C10orf90: variants seen among roughly 807,000 people sequenced by gnomAD.
C10orf90 encodes chromosome 10 open reading frame 90, also known as (E2-independent) E3 ubiquitin-conjugating enzyme FATS.
A neutral mutation model predicts 62.5 loss-of-function variants in C10orf90; 56 were observed. That is an observed-to-expected ratio of 0.90 (90% CI 0.72 to 1.12). The LOEUF (loss-of-function observed/expected upper bound fraction) is 1.12. C10orf90 is among the 50% of genes most tolerant of loss of function. The probability of loss-of-function intolerance (pLI) is 0.00; values close to 1 mark genes in which losing one functional copy is unlikely to be tolerated. For missense variants in C10orf90, 970 were observed against 880.4 expected (o/e 1.10, Z -1.29); for synonymous variants, 386 against 340.4 (o/e 1.13, Z -1.47).
At chr10:126,465,186 G>A (rs7079561) in intron 4 of C10orf90, among the ~76,000 whole-genome samples, 200 bp from the exon 5 acceptor site, 139,110 of 152,090 alleles carry the variant, frequency 0.91, 63,827 homozygotes, top group East Asian at 1. Context: ...GTCCTTAGGA[G>A]CTCATATTAC....
intron 4 of C10orf90, among the ~76,000 whole-genome samples, chr10:126,481,697 G>C (rs979289796): frequency 6.6e-6 from 1 of 152,162 alleles, no homozygotes; most frequent in African/African-American, 2.4e-5. Context: ...AAGAAGCCAA[G>C]TTTCTGACTT....
intron 2 of C10orf90, among the ~76,000 whole-genome samples, chr10:126,559,698 A>C (rs1399645708): frequency 1.3e-5 from 2 of 152,210 alleles, no homozygotes; most frequent in Non-Finnish European, 2.9e-5. Flanking sequence ...CTCTAAGCAG[A>C]AGCCTAATCA....
At chr10:126,660,904 G>A (rs183693926) in intron 1 of C10orf90, among the ~76,000 whole-genome samples, 247 of 152,300 alleles carry the variant, frequency 1.6e-3, no homozygotes, top group Non-Finnish European at 2.3e-3. Context: ...CCTTGGACTG[G>A]AGAACCCCTA....
chr10:126,659,741 G>A (rs1487509672), intron 1 of C10orf90, among the ~76,000 whole-genome samples: 1 of 152,174 alleles, frequency 6.6e-6, no homozygotes. Flanking sequence ...TTACCTGTTT[G>A]TCCATCTGTC....
In C10orf90 at chr10:126,544,868, T is replaced by A. The variant is rs552794685; in HGVS notation, c.314-30929A>T. ...GGTGGGGAGGACTTTGATTGCCTGA[T>A]GATTTTCACTACTATTCCCCTTCCT... On this transcript the variant is annotated intron_variant, in intron 2 of 9. Coordinates refer to ENST00000488181, the MANE Select transcript of C10orf90 (RefSeq NM_001350921.2). Among the ~76,000 whole-genome samples, 12 of 152,138 alleles carry A rather than the reference T, an allele frequency of 7.9e-5. No individual in the cohort carries two copies. The South Asian group carries it at 2.3e-3, about 29-fold the overall frequency.
At chr10:126,445,610 T>C (rs1413345585) in intron 7 of C10orf90, among the ~76,000 whole-genome samples, 2 of 152,034 alleles carry the variant, frequency 1.3e-5, no homozygotes, top group Admixed American at 6.6e-5. Flanking sequence ...GTGTAGAGAT[T>C]CCTTAAAGAT....
At chr10:126,449,154 C>G (rs901172746) in intron 7 of C10orf90, among the ~76,000 whole-genome samples, 1 of 152,072 alleles carries the variant, frequency 6.6e-6, no homozygotes, top group African/African-American at 2.4e-5. Context: ...TACTAGCAAA[C>G]AAAATTCAAT....
chr10:126,476,252 T>G (rs1860859295), intron 4 of C10orf90, among the ~76,000 whole-genome samples: 1 of 152,210 alleles, frequency 6.6e-6, no homozygotes, highest in African/African-American at 2.4e-5. Context: ...ATCATCTCTC[T>G]GGTTTTCTCA....
At chr10:126,661,876 G>A (rs941974175) in intron 1 of C10orf90, among the ~76,000 whole-genome samples, 4 of 151,764 alleles carry the variant, frequency 2.6e-5, no homozygotes, top group African/African-American at 9.7e-5. Context: ...AATTTAAAGG[G>A]CAAACAATAT....
chr10:126,625,826 G>T (rs1037079794), intron 2 of C10orf90, among the ~76,000 whole-genome samples: 5 of 152,058 alleles, frequency 3.3e-5, no homozygotes, highest in Non-Finnish European at 7.4e-5. Context: ...ACAAATGTGG[G>T]CAGGTGGGCT....
chr10:126,488,362 C>T (rs1861548396), intron 4 of C10orf90, among the ~76,000 whole-genome samples: 2 of 151,644 alleles, frequency 1.3e-5, no homozygotes, highest in South Asian at 4.2e-4. Flanking sequence ...ACAATACATA[C>T]CAAAATTAGA....
chr10:126,479,395 G>C (rs1861056384), intron 4 of C10orf90, among the ~76,000 whole-genome samples: 1 of 152,178 alleles, frequency 6.6e-6, no homozygotes, highest in African/African-American at 2.4e-5. Flanking sequence ...AGTAAGAAGG[G>C]GGCTCAGTCC....
At chr10:126,610,190 G>A (rs1205166458) in intron 2 of C10orf90, among the ~76,000 whole-genome samples, 1 of 152,200 alleles carries the variant, frequency 6.6e-6, no homozygotes, top group Non-Finnish European at 1.5e-5. Flanking sequence ...TGGCTTCTAG[G>A]GGGTTCACCC....
At chr10:126,565,340 AT>A (rs1844345733) in intron 2 of C10orf90, among the ~76,000 whole-genome samples, 1 of 40,944 alleles carries the variant, frequency 2.4e-5, no homozygotes, top group Non-Finnish European at 4.0e-5. Flanking sequence ...TATATTATAT[AT>A]AATATATAAT....
At chr10:126,440,650 C>T (rs980787621) in intron 7 of C10orf90, among the ~76,000 whole-genome samples, 3 of 152,150 alleles carry the variant, frequency 2.0e-5, no homozygotes, top group African/African-American at 7.2e-5. Context: ...ACTCCCCTGC[C>T]ACCTTCACTG....
chr10:126,466,751 G>A (rs998810273), intron 4 of C10orf90, among the ~76,000 whole-genome samples: 2 of 152,146 alleles, frequency 1.3e-5, no homozygotes, highest in African/African-American at 2.4e-5. Flanking sequence ...TAGGTCCAAA[G>A]TACCTGCAGG....
chr10:126,637,640 G>A (rs554862344), intron 2 of C10orf90, among the ~76,000 whole-genome samples: 13 of 152,316 alleles, frequency 8.5e-5, no homozygotes, highest in African/African-American at 2.2e-4. Context: ...AGGTCAGGTC[G>A]GTGAGGGTCA....
intron 2 of C10orf90, among the ~76,000 whole-genome samples, chr10:126,569,843 G>A (rs553830551): frequency 5.9e-5 from 9 of 152,154 alleles, no homozygotes; most frequent in African/African-American, 1.9e-4. Context: ...AGTTTACAAG[G>A]GACCCCAAAA....
chr10:126,548,300 T>C (rs986007627), intron 2 of C10orf90, among the ~76,000 whole-genome samples: 15 of 152,142 alleles, frequency 9.9e-5, no homozygotes, highest in Non-Finnish European at 1.8e-4. Flanking sequence ...CCCAGGACTT[T>C]GGAATGCTGA....
Sources: gnomAD v4.1 joint callset for allele counts (sites outside exome capture counted in the v4.1 genomes callset) on GRCh38, gnomAD v4.1.1 for gene constraint, MANE v1.5 for transcripts, NCBI Gene and HGNC (gene_info 2026-07-23, HGNC 2026-07-21) for gene names.